Variants in NAALADL2 observed in about 807,000 individuals in gnomAD.
The protein encoded by NAALADL2 is N-acetylated alpha-linked acidic dipeptidase like 2.
Under a neutral mutation model 87.2 loss-of-function variants are expected in NAALADL2, and 76 were observed. The ratio of observed to expected loss-of-function variants is 0.87; its 90% CI spans 0.72 to 1.05. NAALADL2 has a LOEUF of 1.05. Among genes scored for constraint, NAALADL2 ranks in the 50% least tolerant of loss-of-function variants. The pLI is 0.00. For synonymous variants in NAALADL2, 354 were observed against 331.0 expected, an observed-to-expected ratio of 1.07 and a Z score of -0.75; for missense variants, 1,089 against 945.8, an observed-to-expected ratio of 1.15 and a Z score of -1.99.
chr3:174,685,391 ACT>A (rs1727936886), intron 2 of NAALADL2, among the ~76,000 whole-genome samples: 1 of 151,870 alleles, frequency 6.6e-6, no homozygotes, highest in Non-Finnish European at 1.5e-5. Flanking sequence ...TGTATCTAAA[ACT>A]CTACCAATTC....
chr3:174,977,366 C>G, intron 1 of NAALADL2, among the ~76,000 whole-genome samples: 1 of 152,134 alleles, frequency 6.6e-6, no homozygotes. Flanking sequence ...CTCAGGTGAT[C>G]CACCCACCTC....
At chr3:174,730,008 T>TAGAGGACTTTCTATGAAAGGTTTATAAC (rs1488266740) in intron 2 of NAALADL2, among the ~76,000 whole-genome samples, 4 of 152,082 alleles carry the variant, frequency 2.6e-5, no homozygotes, top group Non-Finnish European at 5.9e-5. Context: ...AGGTTGATTC[T>TAGAGGACTTTCTATGAAAGGTTTATAAC]AGAGGACTTT....
At chr3:174,554,716 T>C (rs1712544225) in intron 2 of NAALADL2, among the ~76,000 whole-genome samples, 1 of 152,238 alleles carries the variant, frequency 6.6e-6, no homozygotes, top group South Asian at 2.1e-4. Context: ...TTCACACTTC[T>C]GTATTTATGG....
rs567985048 is a variant in NAALADL2 at position 174,799,008 on chromosome 3, A to T, written c.-9+61262A>T. On this transcript the variant is annotated intron_variant, in intron 3 of 3. Transcript: ENST00000434257. ...AATATGGTGAAACCCTGCCTGTACT[A>T]AAAATACAAAAATTACTTGGGCATG... Among the ~76,000 whole-genome samples, 475 of 152,176 alleles carry T rather than the reference A, an allele frequency of 3.1e-3. 8 individuals are homozygous for T. Among genetic ancestry groups the T allele is most frequent in the South Asian group, 0.017 (83 of 4,820 alleles).
At chr3:175,145,869 A>C (rs1730674988) in intron 2 of NAALADL2, among the ~76,000 whole-genome samples, 3 of 46,018 alleles carry the variant, frequency 6.5e-5, no homozygotes, top group African/African-American at 1.5e-4. Flanking sequence ...GTTGTTTGAA[A>C]TGTACTCTTT....
chr3:175,233,844 A>T, intron 2 of NAALADL2, 87 bp from the exon 3 acceptor site: 1 of 718,512 alleles, frequency 1.4e-6, no homozygotes, highest in Non-Finnish European at 2.3e-6. Flanking sequence ...AACATCTATT[A>T]ATATTGTTCA....
intron 11 of NAALADL2, among the ~76,000 whole-genome samples, chr3:175,658,029 A>G (rs1731743140): frequency 6.6e-6 from 1 of 151,956 alleles, no homozygotes; most frequent in Non-Finnish European, 1.5e-5. Flanking sequence ...ATGCATACAC[A>G]TATTTTTAAA....
At chr3:174,447,267 G>T (rs892679262) in intron 1 of NAALADL2, among the ~76,000 whole-genome samples, 8 of 152,042 alleles carry the variant, frequency 5.3e-5, no homozygotes, top group Admixed American at 1.3e-4. Context: ...GGGATTAATG[G>T]CTCCCTCAGA....
At chr3:174,683,657 TG>T in intron 2 of NAALADL2, among the ~76,000 whole-genome samples, 1 of 151,250 alleles carries the variant, frequency 6.6e-6, no homozygotes, top group Non-Finnish European at 1.5e-5. Flanking sequence ...TGTGTGTGTG[TG>T]TGTGTGTGTA....
chr3:175,554,253 G>A (rs970220089), intron 9 of NAALADL2, among the ~76,000 whole-genome samples: 2 of 152,142 alleles, frequency 1.3e-5, no homozygotes, highest in African/African-American at 4.8e-5. Flanking sequence ...TTGTAAGCCA[G>A]GGTCAGTTTT....
At chr3:175,672,105 G>A (rs1734088417) in intron 11 of NAALADL2, among the ~76,000 whole-genome samples, 1 of 152,094 alleles carries the variant, frequency 6.6e-6, no homozygotes, top group African/African-American at 2.4e-5. Flanking sequence ...AATTACTTAA[G>A]CCTGGTGGAG....
At chr3:175,741,237 G>T (rs1368471975) in intron 12 of NAALADL2, among the ~76,000 whole-genome samples, 1 of 152,178 alleles carries the variant, frequency 6.6e-6, no homozygotes, top group Non-Finnish European at 1.5e-5. Context: ...GCTGTTTGGT[G>T]AGGGTTCACT....
chr3:175,145,711 G>A (rs1038583299), intron 2 of NAALADL2, among the ~76,000 whole-genome samples: 1 of 151,594 alleles, frequency 6.6e-6, no homozygotes, highest in African/African-American at 2.4e-5. Context: ...TATTGCTATT[G>A]CAAAACTAAA....
intron 1 of NAALADL2, among the ~76,000 whole-genome samples, chr3:175,026,012 T>C (rs1393515445): frequency 6.6e-6 from 1 of 152,060 alleles, no homozygotes; most frequent in South Asian, 2.1e-4. Context: ...GGTCTCCCTA[T>C]GTTGCCTAGG....
intron 9 of NAALADL2, among the ~76,000 whole-genome samples, chr3:175,550,217 A>G (rs932036170): frequency 6.6e-6 from 1 of 152,130 alleles, no homozygotes. Flanking sequence ...TGTCAACATG[A>G]TATTTTAAAA....
intron 5 of NAALADL2, among the ~76,000 whole-genome samples, chr3:175,393,529 T>C (rs1769354527): frequency 2.0e-5 from 3 of 152,072 alleles, no homozygotes; most frequent in Admixed American, 6.6e-5. Flanking sequence ...AGTGCAAAAA[T>C]GCATATCCTT....
intron 3 of NAALADL2, among the ~76,000 whole-genome samples, chr3:174,812,693 T>C (rs1204517280): frequency 1.3e-5 from 2 of 151,910 alleles, no homozygotes; most frequent in African/African-American, 4.8e-5. Context: ...TGAGACAAGA[T>C]GCATGGGTGG....
At chr3:175,395,402 T>C (rs1769647972) in intron 5 of NAALADL2, among the ~76,000 whole-genome samples, 1 of 152,202 alleles carries the variant, frequency 6.6e-6, no homozygotes, top group African/African-American at 2.4e-5. Context: ...ATCTTTTCTA[T>C]CATGCCTTGA....
chr3:175,012,510 C>T (rs1162260881), intron 1 of NAALADL2, among the ~76,000 whole-genome samples: 1 of 152,070 alleles, frequency 6.6e-6, no homozygotes, highest in Non-Finnish European at 1.5e-5. Flanking sequence ...CCTGAATTGT[C>T]ATTGCATGTA....
Sources: gnomAD v4.1 joint callset for allele counts (sites outside exome capture counted in the v4.1 genomes callset) on GRCh38, gnomAD v4.1.1 for gene constraint, MANE v1.5 for transcripts, NCBI Gene and HGNC (gene_info 2026-07-23, HGNC 2026-07-21) for gene names.